Variants in KCNH7 observed in about 807,000 individuals in gnomAD.
KCNH7 encodes the protein voltage-gated inwardly rectifying potassium channel KCNH7.
Under a neutral mutation model 120.8 loss-of-function variants are expected in KCNH7, and 49 were observed. The ratio of observed to expected loss-of-function variants is 0.41; its 90% CI spans 0.32 to 0.51. The LOEUF (loss-of-function observed/expected upper bound fraction) is 0.51. Among genes scored for constraint, KCNH7 ranks in the 20% least tolerant of loss-of-function variants. The pLI is 0.38. For synonymous variants in KCNH7, 547 were observed against 516.1 expected (o/e 1.06, Z -0.81); for missense variants, 1,097 against 1,446.6 (o/e 0.76, Z 3.92).
chr2:162,431,344 C>T (rs1285222872), intron 8 of KCNH7, among the ~76,000 whole-genome samples: 1 of 151,750 alleles, frequency 6.6e-6, no homozygotes, highest in African/African-American at 2.4e-5. Flanking sequence ...TTATTTTTTT[C>T]AGGCTAAAAT....
intron 2 of KCNH7, among the ~76,000 whole-genome samples, chr2:162,611,090 T>C (rs1448116227): frequency 2.0e-5 from 3 of 152,200 alleles, no homozygotes; most frequent in Non-Finnish European, 4.4e-5. Flanking sequence ...GCATGTCATG[T>C]GGTTTAAGTT....
chr2:162,546,311 C>T (rs1212673644), intron 2 of KCNH7, among the ~76,000 whole-genome samples: 3 of 150,704 alleles, frequency 2.0e-5, no homozygotes, highest in Non-Finnish European at 4.4e-5. Context: ...ATTTTTAATT[C>T]TTTTTTTTTA....
intron 2 of KCNH7, among the ~76,000 whole-genome samples, chr2:162,764,868 A>G (rs1185902215): frequency 6.6e-6 from 1 of 152,178 alleles, no homozygotes; most frequent in Non-Finnish European, 1.5e-5. Flanking sequence ...TTTACTTTAA[A>G]TAGGCAAAGA....
At chr2:162,735,979 G>T (rs1341001610) in intron 2 of KCNH7, among the ~76,000 whole-genome samples, 1 of 152,122 alleles carries the variant, frequency 6.6e-6, no homozygotes, top group East Asian at 1.9e-4. Context: ...TACTTGTATG[G>T]GCCAATGACT....
chr2:162,765,563 A>T (rs771216979), intron 2 of KCNH7, among the ~76,000 whole-genome samples: 4 of 152,146 alleles, frequency 2.6e-5, no homozygotes, highest in Non-Finnish European at 5.9e-5. Context: ...TGTTCTCCTA[A>T]CAAGCAGTGT....
chr2:162,635,211 T>C (rs1202193845), intron 2 of KCNH7, among the ~76,000 whole-genome samples: 1 of 152,102 alleles, frequency 6.6e-6, no homozygotes, highest in African/African-American at 2.4e-5. Flanking sequence ...TCAGCAAATA[T>C]TTAATGTATG....
chr2:162,645,208 C>T (rs1471390704), intron 2 of KCNH7, among the ~76,000 whole-genome samples: 5 of 152,000 alleles, frequency 3.3e-5, no homozygotes, highest in Admixed American at 6.6e-5. Flanking sequence ...AGTGCAGTGG[C>T]GTGATCTTGG....
Position 162,644,926 on chromosome 2 carries a change from C to T in KCNH7, c.308-107846G>A, listed in dbSNP as rs182394477. Among the ~76,000 whole-genome samples, 35 of 152,156 alleles carry T rather than the reference C, an allele frequency of 2.3e-4. 1 individual carries two copies. The highest frequency in any genetic ancestry group is 2.2e-3 in the Admixed American group (33 of 15,284). On this transcript the variant is annotated intron_variant, in intron 2 of 15. Transcript: ENST00000332142. ...AGGGTTATTTGACCTTAGAAAATAA[C>T]GATCTTGTCAATAAAATTTAGTCAA...
intron 2 of KCNH7, among the ~76,000 whole-genome samples, chr2:162,764,805 T>C (rs1263863848): frequency 6.6e-6 from 1 of 152,196 alleles, no homozygotes; most frequent in Non-Finnish European, 1.5e-5. Context: ...AAATTCATGA[T>C]ATTTTAGTAT....
intron 2 of KCNH7, among the ~76,000 whole-genome samples, chr2:162,546,853 T>TA (rs72255819): frequency 0.094 from 13,966 of 148,772 alleles, 731 homozygotes; most frequent in African/African-American, 0.13. Flanking sequence ...ATCTTTTATT[T>TA]AAAAAAAAAA....
intron 14 of KCNH7, among the ~76,000 whole-genome samples, chr2:162,374,228 CTT>C (rs1686078665): frequency 6.6e-6 from 1 of 152,126 alleles, no homozygotes; most frequent in Non-Finnish European, 1.5e-5. Flanking sequence ...CTTTTTCCCT[CTT>C]AATATGTCAT....
At chr2:162,417,163 G>T (rs1455291955) in intron 9 of KCNH7, among the ~76,000 whole-genome samples, 1 of 152,068 alleles carries the variant, frequency 6.6e-6, no homozygotes, top group Non-Finnish European at 1.5e-5. Context: ...TTCTACTAAA[G>T]AAAATATAGG....
rs549190960 is a variant in KCNH7 at position 162,635,752 on chromosome 2, G to A, written c.308-98672C>T. ...AAAATGACCACTGACAAAATTTTCA[G>A]CGAGAGTGCAGTTCTTTGCTATTAA... On this transcript the variant is annotated intron_variant, in intron 2 of 15. Transcript: ENST00000332142. Among the ~76,000 whole-genome samples the A allele has an allele frequency of 2.0e-5, 3 of 152,100 alleles. No individual in the cohort carries two copies. The South Asian group carries it at 6.2e-4, about 32-fold the overall frequency.
chr2:162,440,003 AC>A (rs1356306693), intron 7 of KCNH7, among the ~76,000 whole-genome samples: 2 of 151,736 alleles, frequency 1.3e-5, no homozygotes, highest in Non-Finnish European at 2.9e-5. Context: ...AGAATAAGTA[AC>A]TTCTTGTCAG....
intron 12 of KCNH7, among the ~76,000 whole-genome samples, chr2:162,387,578 A>G (rs889554428): frequency 6.6e-6 from 1 of 151,624 alleles, no homozygotes; most frequent in African/African-American, 2.4e-5. Flanking sequence ...CCATCATTTT[A>G]TATAAAGAAA....
chr2:162,415,614 G>T (rs1209418648), intron 9 of KCNH7, among the ~76,000 whole-genome samples: 1 of 152,050 alleles, frequency 6.6e-6, no homozygotes, highest in Non-Finnish European at 1.5e-5. Context: ...GATTGGTTAA[G>T]ATATTTTTTC....
At position 162,731,168 on chromosome 2, in the gene KCNH7, A is replaced by C. The variant is rs17787696; in HGVS notation, c.307+105369T>G. On this transcript the variant is annotated intron_variant, in intron 2 of 15. Coordinates refer to ENST00000332142, the MANE Select transcript of KCNH7 (RefSeq NM_033272.4). ...AAAAATAAAGTAGAGACTTGAGAAG[A>C]CCTTCTGCAATGCATTTTGACTCTT... Among the ~76,000 whole-genome samples, 1,467 of 150,866 alleles carry C rather than the reference A, an allele frequency of 9.7e-3. 23 individuals are homozygous for C. Among genetic ancestry groups the C allele is most frequent in the African/African-American group, 0.032 (1,306 of 41,302 alleles).
At chr2:162,822,453 AG>A (rs1685150725) in intron 2 of KCNH7, among the ~76,000 whole-genome samples, 1 of 152,168 alleles carries the variant, frequency 6.6e-6, no homozygotes, top group African/African-American at 2.4e-5. Context: ...CAGGGCAGAA[AG>A]GTAACATATC....
At chr2:162,582,763 T>A (rs11888977) in intron 2 of KCNH7, among the ~76,000 whole-genome samples, 6,689 of 152,176 alleles carry the variant, frequency 0.044, 295 homozygotes, top group East Asian at 0.11. Context: ...GAGAACTGAC[T>A]CTGACACTAA....
Sources: allele counts gnomAD v4.1 joint callset (sites outside exome capture counted in the v4.1 genomes callset), GRCh38; gene constraint gnomAD v4.1.1; transcripts MANE v1.5; gene names NCBI Gene and HGNC (gene_info 2026-07-23, HGNC 2026-07-21).